The following XYLT1 variants were observed in gnomAD, a reference collection of about 807,000 sequenced individuals.
XYLT1 encodes the protein beta-D-xylosyltransferase 1.
In XYLT1, 36 loss-of-function variants were observed where a neutral mutation model predicts 91.3. The ratio of observed to expected loss-of-function variants is 0.39; its 90% CI spans 0.30 to 0.52. The LOEUF (loss-of-function observed/expected upper bound fraction) is 0.52. Ranked by LOEUF, XYLT1 falls within the 20% of genes least tolerant of loss-of-function variation. The pLI is 0.68. For missense variants in XYLT1, 1,242 were observed against 1,284.5 expected (o/e 0.97, Z 0.51); for synonymous variants, 588 against 532.0 (o/e 1.11, Z -1.45).
At chr16:17,330,630 T>TAA (rs58404938) in intron 2 of XYLT1, among the ~76,000 whole-genome samples, 2 of 136,784 alleles carry the variant, frequency 1.5e-5, no homozygotes, top group African/African-American at 5.2e-5. Context: ...CTACTAAAAA[T>TAA]AAAAAAAAAA....
At chr16:17,306,544 G>A (rs757073182) in intron 2 of XYLT1, among the ~76,000 whole-genome samples, 1 of 140,344 alleles carries the variant, frequency 7.1e-6, no homozygotes, top group Non-Finnish European at 1.6e-5. Context: ...GACAGAGTGA[G>A]ACTGTCACAA....
At chr16:17,221,941 G>A (rs1345096212) in intron 3 of XYLT1, among the ~76,000 whole-genome samples, 1 of 151,962 alleles carries the variant, frequency 6.6e-6, no homozygotes, top group Non-Finnish European at 1.5e-5. Context: ...TCTCCTACAG[G>A]GCCGTCCTCC....
chr16:17,273,186 C>T (rs2033922233), intron 2 of XYLT1, among the ~76,000 whole-genome samples: 1 of 152,194 alleles, frequency 6.6e-6, no homozygotes, highest in Non-Finnish European at 1.5e-5. Context: ...TTTAACATAG[C>T]TGAATTTTCT....
chr16:17,340,664 T>C (rs1311237391), intron 2 of XYLT1, among the ~76,000 whole-genome samples: 2 of 152,230 alleles, frequency 1.3e-5, no homozygotes, highest in African/African-American at 4.8e-5. Context: ...GTTTTGCTAT[T>C]TGAAAGAGGG....
At chr16:17,129,048 C>T (rs1374933546) in intron 9 of XYLT1, among the ~76,000 whole-genome samples, 1 of 123,782 alleles carries the variant, frequency 8.1e-6, no homozygotes. Flanking sequence ...TGCCTTGTTA[C>T]TGGGATGCCT....
intron 8 of XYLT1, 134 bp downstream of exon 8, chr16:17,138,221 A>AG (rs2030826978): frequency 1.1e-6 from 1 of 872,744 alleles, no homozygotes; most frequent in Non-Finnish European, 1.6e-6. Flanking sequence ...GATACTGTTA[A>AG]CTATTATTAA....
chr16:17,300,764 C>T (rs1043486709), intron 2 of XYLT1, among the ~76,000 whole-genome samples: 1 of 151,872 alleles, frequency 6.6e-6, no homozygotes, highest in African/African-American at 2.4e-5. Flanking sequence ...CAGCCTAATG[C>T]AGCTATTAAA....
chr16:17,255,950 G>A (rs1352222151), intron 3 of XYLT1, among the ~76,000 whole-genome samples: 1 of 152,204 alleles, frequency 6.6e-6, no homozygotes, highest in East Asian at 1.9e-4. Context: ...GAAGGTTGCA[G>A]TGATCTAAGA....
chr16:17,274,869 G>T (rs1051279851), intron 2 of XYLT1, among the ~76,000 whole-genome samples: 1 of 152,072 alleles, frequency 6.6e-6, no homozygotes, highest in Non-Finnish European at 1.5e-5. Flanking sequence ...ACTTTATATA[G>T]ATTATCTTTA....
chr16:17,327,424 G>C (rs1348027858), intron 2 of XYLT1, among the ~76,000 whole-genome samples: 1 of 143,318 alleles, frequency 7.0e-6, no homozygotes, highest in Non-Finnish European at 1.5e-5. Flanking sequence ...GTGCAGTGGC[G>C]CCATCTTGGC....
intron 1 of XYLT1, among the ~76,000 whole-genome samples, chr16:17,424,307 T>C (rs2036286471): frequency 6.6e-6 from 1 of 152,348 alleles, no homozygotes; most frequent in African/African-American, 2.4e-5. Context: ...CTGAGAGAAC[T>C]GAACAAGATA....
chr16:17,328,548 C>CAAAAAAAAAA (rs71373105), intron 2 of XYLT1, among the ~76,000 whole-genome samples: 71 of 51,230 alleles, frequency 1.4e-3, no homozygotes, highest in Admixed American at 2.6e-3. Flanking sequence ...GACTCCTTCT[C>CAAAAAAAAAA]AAAAAAAAAA....
intron 9 of XYLT1, among the ~76,000 whole-genome samples, chr16:17,132,645 G>A (rs964197046): frequency 7.9e-5 from 12 of 152,206 alleles, no homozygotes; most frequent in African/African-American, 2.9e-4. Flanking sequence ...GCTCATGCCT[G>A]TAATCTCAGC....
intron 3 of XYLT1, among the ~76,000 whole-genome samples, chr16:17,242,184 A>G (rs1040983322): frequency 1.3e-5 from 2 of 152,232 alleles, no homozygotes; most frequent in South Asian, 4.1e-4. Flanking sequence ...GGACACAGCC[A>G]AACCATATGA....
rs113440486 is a variant in XYLT1 at position 17,151,061 on chromosome 16, C to T, written c.1370+7768G>A. On this transcript the variant is annotated intron_variant, in intron 6 of 11. Coordinates refer to ENST00000261381, the MANE Select transcript of XYLT1 (RefSeq NM_022166.4). ...AAGGGACATACCACCCACAAGTCCACGTGGCTTGGATATGGAGGGAAACTC... is the reference window on the plus strand; with the variant it reads ...AAGGGACATACCACCCACAAGTCCATGTGGCTTGGATATGGAGGGAAACTC... Among the ~76,000 whole-genome samples the T allele has an allele frequency of 5.3e-3, 800 of 152,270 alleles. 8 individuals carry two copies. The highest frequency in any genetic ancestry group is 0.018 in the African/African-American group (740 of 41,558).
At chr16:17,379,759 T>TCACACACACACACACACACA in intron 1 of XYLT1, among the ~76,000 whole-genome samples, 1 of 117,984 alleles carries the variant, frequency 8.5e-6, no homozygotes, top group African/African-American at 3.9e-5. Context: ...TCTCTCTCTC[T>TCACACACACACACACACACA]CTCTCACACA....
intron 3 of XYLT1, among the ~76,000 whole-genome samples, chr16:17,234,754 T>C (rs1227449080): frequency 2.0e-5 from 3 of 151,968 alleles, no homozygotes; most frequent in Non-Finnish European, 4.4e-5. Context: ...GGTTCAAGTC[T>C]ACCCTGAGCA....
intron 2 of XYLT1, among the ~76,000 whole-genome samples, chr16:17,337,781 CT>C (rs10675523): frequency 2.6e-4 from 32 of 124,418 alleles, no homozygotes; most frequent in East Asian, 4.4e-4. Context: ...TTTTCTTTTT[CT>C]TTTTTTTTTT....
intron 1 of XYLT1, among the ~76,000 whole-genome samples, chr16:17,359,375 C>T (rs115241045): frequency 8.3e-4 from 127 of 152,240 alleles, no homozygotes; most frequent in African/African-American, 2.9e-3. Context: ...CTTTCTAAAC[C>T]CCTTCTCTAG....
Sources: gnomAD v4.1 joint callset for allele counts (sites outside exome capture counted in the v4.1 genomes callset) on GRCh38, gnomAD v4.1.1 for gene constraint, MANE v1.5 for transcripts, NCBI Gene and HGNC (gene_info 2026-07-23, HGNC 2026-07-21) for gene names.